The following CSNK2A1 variants were observed in gnomAD, a reference collection of about 807,000 sequenced individuals.
CSNK2A1 encodes casein kinase 2 alpha 1, also known as casein kinase II subunit alpha.
CSNK2A1 carries 10 observed loss-of-function variants against 62.9 expected under a neutral mutation model. The observed-to-expected ratio is 0.16, with a 90% confidence interval of 0.10 to 0.27. The LOEUF is 0.27. Among genes scored for constraint, CSNK2A1 ranks in the 10% least tolerant of loss-of-function variants. CSNK2A1 has a pLI of 1.00. For missense variants in CSNK2A1, 160 were observed against 492.0 expected (o/e 0.33, Z 6.38); for synonymous variants, 124 against 167.8 (o/e 0.74, Z 2.02).
chr20:517,313 T>C (rs2018847844), intron 2 of CSNK2A1, among the ~76,000 whole-genome samples: 1 of 152,260 alleles, frequency 6.6e-6, no homozygotes, highest in Non-Finnish European at 1.5e-5. Context: ...AATTTCTTTC[T>C]TCCTTTCCAA....
At chr20:535,888 G>A (rs930037258) in intron 1 of CSNK2A1, among the ~76,000 whole-genome samples, 6 of 152,156 alleles carry the variant, frequency 3.9e-5, no homozygotes, top group African/African-American at 1.4e-4. Flanking sequence ...GTTAATGCAG[G>A]GAGCTGGCCT....
intron 2 of CSNK2A1, among the ~76,000 whole-genome samples, chr20:527,229 T>C (rs2122631082): frequency 6.6e-6 from 1 of 152,000 alleles, no homozygotes; most frequent in South Asian, 2.1e-4. Flanking sequence ...AGAAGAAAAA[T>C]AATTTATCAA....
At chr20:528,131 A>G (rs1225132080) in intron 1 of CSNK2A1, 82 bp from the exon 2 acceptor site, 1 of 152,178 alleles carries the variant, frequency 6.6e-6, no homozygotes, top group Non-Finnish European at 1.5e-5. Flanking sequence ...GAATAAGTAC[A>G]CTAGAACCAC....
intron 3 of CSNK2A1, 110 bp from the exon 4 acceptor site, chr20:505,339 A>T: frequency 3.2e-6 from 2 of 616,890 alleles, no homozygotes; most frequent in South Asian, 2.4e-5. Flanking sequence ...ATTTCAAACA[A>T]TTCCCAAATA....
chr20:490,023 T>A, intron 9 of CSNK2A1, 142 bp from the exon 10 acceptor site: 1 of 670,040 alleles, frequency 1.5e-6, no homozygotes. Flanking sequence ...ATATATTTCT[T>A]TTTAGTCTTT....
chr20:488,347 T>C, intron 11 of CSNK2A1: 1 of 240,122 alleles, frequency 4.2e-6, no homozygotes, highest in Non-Finnish European at 8.1e-6. Context: ...TTCAATTTCT[T>C]TCTCTTGGAG....
intron 2 of CSNK2A1, among the ~76,000 whole-genome samples, chr20:521,816 T>C (rs539098733): frequency 6.6e-6 from 1 of 152,294 alleles, no homozygotes; most frequent in Admixed American, 6.5e-5. Flanking sequence ...CTCAAACGTC[T>C]AGCCTCAAGT....
chr20:509,165 C>A (rs931427556), intron 2 of CSNK2A1, among the ~76,000 whole-genome samples: 1 of 152,178 alleles, frequency 6.6e-6, no homozygotes, highest in African/African-American at 2.4e-5. Context: ...CATCAAAGCT[C>A]CATGTCATCT....
intron 2 of CSNK2A1, among the ~76,000 whole-genome samples, chr20:523,814 A>G (rs1221902476): frequency 3.5e-5 from 5 of 144,214 alleles, no homozygotes; most frequent in African/African-American, 1.3e-4. Flanking sequence ...AGCTGAGATC[A>G]CGCCAATGCA....
chr20:521,790 T>C (rs1432677512), intron 2 of CSNK2A1, among the ~76,000 whole-genome samples: 2 of 152,214 alleles, frequency 1.3e-5, no homozygotes, highest in Admixed American at 6.5e-5. Context: ...GGTCTCGCTT[T>C]GTTGCCCAGG....
At chr20:517,353 T>C (rs1160716706) in intron 2 of CSNK2A1, among the ~76,000 whole-genome samples, 6 of 152,264 alleles carry the variant, frequency 3.9e-5, no homozygotes, top group Non-Finnish European at 8.8e-5. Flanking sequence ...ACATCAAGCA[T>C]TTACTGAACG....
Position 543,752 on chromosome 20 carries a change from C to T in CSNK2A1, c.-307G>A. 3 of 398,450 alleles carry T rather than the reference C, an allele frequency of 7.5e-6. No homozygotes were observed. The highest frequency in any genetic ancestry group is 8.8e-5 in the Admixed American group (2 of 22,736). 24.7% of individuals were successfully genotyped at this position (398,450 alleles called of 1,614,324 possible). ...TATGGCGGCGATGGAGGAGGAGACA[C>T]ACGGCTCGGCCGCCAGCCGCAGGGA... On this transcript the variant is annotated 5_prime_UTR_variant, in exon 1 of 14. The change creates a new upstream start codon in the 5' untranslated region. Coordinates refer to ENST00000217244, the MANE Select transcript of CSNK2A1 (RefSeq NM_177559.3).
chr20:520,201 C>T (rs1355837338), intron 2 of CSNK2A1, among the ~76,000 whole-genome samples: 1 of 151,770 alleles, frequency 6.6e-6, no homozygotes, highest in Non-Finnish European at 1.5e-5. Context: ...AATAAATTAT[C>T]CAGGTAAAAG....
rs2018006894 is a variant in CSNK2A1 at position 483,884 on chromosome 20, C to G, written c.*77G>C. On this transcript the variant is annotated 3_prime_UTR_variant, in exon 14 of 14. Coordinates refer to ENST00000217244, the MANE Select transcript of CSNK2A1 (RefSeq NM_177559.3). ...TGCTTCTGAAGTGTTTCACCCCTCCCCGCCAGGCGCAAGCTGCATCAAGGA... is the reference window on the plus strand; with the variant it reads ...TGCTTCTGAAGTGTTTCACCCCTCCGCGCCAGGCGCAAGCTGCATCAAGGA... 6.9e-7 allele frequency: 1 copy of G among 1,440,770 alleles called. No homozygotes were observed. The highest frequency in any genetic ancestry group is 1.5e-5 in the African/African-American group (1 of 67,852). 89.2% of individuals were successfully genotyped at this position (1,440,770 alleles called of 1,614,324 possible). A position where few individuals can be genotyped will look rare whatever the true frequency, so the allele number is the denominator to read the frequency against.
At chr20:518,287 C>A (rs1457394078) in intron 2 of CSNK2A1, among the ~76,000 whole-genome samples, 1 of 152,208 alleles carries the variant, frequency 6.6e-6, no homozygotes, top group Non-Finnish European at 1.5e-5. Flanking sequence ...AGGGCTCTCA[C>A]AAGACAAAAA....
rs1342588819 is a variant in CSNK2A1 at position 483,247 on chromosome 20, A to T, written c.*714T>A. The T allele has an allele frequency of 6.6e-6, 1 of 152,334 alleles. No individual in the cohort carries two copies. The highest frequency in any genetic ancestry group is 3.4e-3 in the Middle Eastern group (1 of 294). The allele number at this position is 152,334 out of a possible 1,614,324, so 9.4% of individuals were successfully genotyped here. Reference sequence around the variant, plus strand: ...AACATTTTAAACTGAACTAAAAATAAAAGTATAAATGAGTTGGATTTAGGG... The same window carrying T: ...AACATTTTAAACTGAACTAAAAATATAAGTATAAATGAGTTGGATTTAGGG... On this transcript the variant is annotated 3_prime_UTR_variant, in exon 14 of 14. Coordinates refer to ENST00000217244, the MANE Select transcript of CSNK2A1 (RefSeq NM_177559.3).
At chr20:492,691 T>C (rs984075049) in intron 8 of CSNK2A1, 1 of 239,130 alleles carries the variant, frequency 4.2e-6, no homozygotes, top group Non-Finnish European at 8.2e-6. Flanking sequence ...AGCTTCTCAA[T>C]GAAGTCTGAT....
intron 7 of CSNK2A1, 154 bp from the exon 8 acceptor site, chr20:495,956 G>C (rs2018339221): frequency 1.6e-6 from 1 of 608,626 alleles, no homozygotes; most frequent in South Asian, 1.9e-5. Flanking sequence ...TCAGAGACTT[G>C]TTCATGATCT....
intron 3 of CSNK2A1, chr20:507,722 A>G (rs1330095563): frequency 6.6e-6 from 1 of 152,206 alleles, no homozygotes; most frequent in Admixed American, 6.5e-5. Context: ...TTAACACGAA[A>G]CAACATTCTC....
Sources: allele counts gnomAD v4.1 joint callset (sites outside exome capture counted in the v4.1 genomes callset), GRCh38; gene constraint gnomAD v4.1.1; transcripts MANE v1.5; gene names NCBI Gene and HGNC (gene_info 2026-07-23, HGNC 2026-07-21).